LARP1B: variants seen among roughly 807,000 people sequenced by gnomAD.
LARP1B encodes the protein La ribonucleoprotein 1B, also known as la-related protein 1B.
LARP1B carries 76 observed loss-of-function variants against 114.2 expected under a neutral mutation model. The ratio of observed to expected loss-of-function variants is 0.67; its 90% CI spans 0.55 to 0.81. The LOEUF (loss-of-function observed/expected upper bound fraction) is 0.81. Among genes scored for constraint, LARP1B ranks in the 30% least tolerant of loss-of-function variants. The pLI, the probability that LARP1B is intolerant of heterozygous loss-of-function variation, is 0.00. For synonymous variants in LARP1B, 345 were observed against 348.0 expected (o/e 0.99, Z 0.10); for missense variants, 1,014 against 1,075.8 (o/e 0.94, Z 0.80).
At chr4:128,167,604 G>A (rs1242778955) in intron 12 of LARP1B, among the ~76,000 whole-genome samples, 1 of 151,860 alleles carries the variant, frequency 6.6e-6, no homozygotes. Flanking sequence ...TGCTTTTGTT[G>A]CCTGAGCTTT....
chr4:128,060,959 A>G (rs1179445386), upstream of LARP1B, among the ~76,000 whole-genome samples: 6 of 152,078 alleles, frequency 3.9e-5, no homozygotes, highest in African/African-American at 9.7e-5. Context: ...CGGTCCTCCC[A>G]GCGCCATGTG....
At chr4:128,087,349 G>A (rs992051389) in intron 5 of LARP1B, among the ~76,000 whole-genome samples, 1 of 152,040 alleles carries the variant, frequency 6.6e-6, no homozygotes, top group African/African-American at 2.4e-5. Flanking sequence ...TCCTGTGAAT[G>A]GATAAGAAGG....
chr4:128,125,439 C>T (rs1440885907), intron 11 of LARP1B, among the ~76,000 whole-genome samples: 1 of 152,200 alleles, frequency 6.6e-6, no homozygotes, highest in Non-Finnish European at 1.5e-5. Context: ...ACCTGCTCCC[C>T]AAGGGACTCT....
chr4:128,075,262 C>T (rs372565824), intron 3 of LARP1B, among the ~76,000 whole-genome samples: 16 of 151,786 alleles, frequency 1.1e-4, no homozygotes, highest in East Asian at 3.9e-4. Context: ...CCACTGTGCA[C>T]AGCTAATTTT....
At chr4:128,122,919 C>A in intron 11 of LARP1B, 1 of 987,798 alleles carries the variant, frequency 1.0e-6, no homozygotes, top group Non-Finnish European at 1.2e-6. Flanking sequence ...TAAAAGGAAT[C>A]TTTTTCTGCT....
intron 12 of LARP1B, among the ~76,000 whole-genome samples, 160 bp from the exon 13 acceptor site, chr4:128,176,712 C>A (rs1331594064): frequency 1.3e-5 from 2 of 151,986 alleles, no homozygotes; most frequent in Admixed American, 1.3e-4. Flanking sequence ...CACTAGTATT[C>A]GATGCAGTTG....
At chr4:128,124,229 C>T (rs1246419391) in intron 11 of LARP1B, among the ~76,000 whole-genome samples, 1 of 151,998 alleles carries the variant, frequency 6.6e-6, no homozygotes, top group Non-Finnish European at 1.5e-5. Flanking sequence ...AAAAATAAAC[C>T]CACAATAAGT....
intron 11 of LARP1B, among the ~76,000 whole-genome samples, chr4:128,147,347 A>C (rs2150281728): frequency 6.6e-6 from 1 of 152,256 alleles, no homozygotes; most frequent in South Asian, 2.1e-4. Flanking sequence ...GCGATTGAAA[A>C]ATTTGCTCTT....
chr4:128,125,407 G>A (rs1350083380), intron 11 of LARP1B, among the ~76,000 whole-genome samples: 1 of 152,220 alleles, frequency 6.6e-6, no homozygotes, highest in Non-Finnish European at 1.5e-5. Context: ...CACTTACAGT[G>A]GAAGAACTAA....
rs1763124189 is a variant in LARP1B at position 128,066,829 on chromosome 4, C to T, written c.-78+5428C>T. On this transcript the variant is annotated intron_variant, in intron 1 of 19. Coordinates refer to ENST00000326639, the MANE Select transcript of LARP1B (RefSeq NM_018078.4). ...TTTTTTTTTTTGAGACAGAGTCTTG[C>T]TCTGTCACCCAGGCAGGAGTGCAAT... Among the ~76,000 whole-genome samples, 6 of 144,388 alleles carry T rather than the reference C, an allele frequency of 4.2e-5. No homozygotes were observed. In the Admixed American group the frequency reaches 4.2e-4, roughly 10 times the overall value. The allele number at this position is 144,388 out of a possible 152,430, so 94.7% of individuals were successfully genotyped here. A position where few individuals can be genotyped will look rare whatever the true frequency, so the allele number is the denominator to read the frequency against.
At chr4:128,094,381 CT>C (rs983424622) in intron 7 of LARP1B, among the ~76,000 whole-genome samples, 6 of 148,278 alleles carry the variant, frequency 4.0e-5, no homozygotes, top group Admixed American at 1.3e-4. Context: ...AGGTTTTTTC[CT>C]TTTTTCTTTT....
chr4:128,071,200 C>G (rs1765190334), intron 1 of LARP1B, among the ~76,000 whole-genome samples: 1 of 151,790 alleles, frequency 6.6e-6, no homozygotes, highest in South Asian at 2.1e-4. Flanking sequence ...GCGCCCGCCA[C>G]CACACCCAGC....
chr4:128,204,200 C>CT (rs1756892348), intron 17 of LARP1B, among the ~76,000 whole-genome samples: 1 of 151,400 alleles, frequency 6.6e-6, no homozygotes, highest in South Asian at 2.1e-4. Flanking sequence ...AAACCAAAAA[C>CT]TTACTTCTCC....
intron 6 of LARP1B, among the ~76,000 whole-genome samples, chr4:128,219,142 A>G (rs1578851249): frequency 6.6e-6 from 1 of 151,190 alleles, no homozygotes; most frequent in Admixed American, 6.6e-5. Flanking sequence ...AAGTCAGGAA[A>G]CAACAGGTGC....
At chr4:128,212,268 C>G (rs1320039704), downstream of LARP1B, among the ~76,000 whole-genome samples, 1 of 152,054 alleles carries the variant, frequency 6.6e-6, no homozygotes, top group Non-Finnish European at 1.5e-5. Flanking sequence ...ACATAGTATT[C>G]CAGTGTGTGA....
intron 8 of LARP1B, among the ~76,000 whole-genome samples, chr4:128,099,422 G>T (rs1297439843): frequency 6.6e-6 from 1 of 151,896 alleles, no homozygotes; most frequent in Non-Finnish European, 1.5e-5. Context: ...AAGTAGCTGG[G>T]ATAACTGGAG....
At chr4:128,096,522 A>G (rs558412237) in intron 7 of LARP1B, among the ~76,000 whole-genome samples, 8 of 152,040 alleles carry the variant, frequency 5.3e-5, no homozygotes, top group South Asian at 2.1e-4. Flanking sequence ...ATCATCTTCT[A>G]TATTTTTGCT....
intron 11 of LARP1B, among the ~76,000 whole-genome samples, chr4:128,141,548 C>T (rs577188891): frequency 1.3e-5 from 2 of 152,146 alleles, no homozygotes; most frequent in South Asian, 2.1e-4. Context: ...TCGTTAGGCT[C>T]ATTGCATTTA....
intron 3 of LARP1B, among the ~76,000 whole-genome samples, chr4:128,075,603 A>G (rs1269575866): frequency 6.7e-6 from 1 of 149,340 alleles, no homozygotes; most frequent in Non-Finnish European, 1.5e-5. Context: ...GCTGGAGTGC[A>G]GTGATGTGAT....
Sources: gnomAD v4.1 joint callset for allele counts (sites outside exome capture counted in the v4.1 genomes callset) on GRCh38, gnomAD v4.1.1 for gene constraint, MANE v1.5 for transcripts, NCBI Gene and HGNC (gene_info 2026-07-23, HGNC 2026-07-21) for gene names.